The following SPG7 variants were observed in gnomAD, a reference collection of about 807,000 sequenced individuals.
The protein encoded by SPG7 is mitochondrial inner membrane m-AAA protease component paraplegin.
SPG7 carries 103 observed loss-of-function variants against 81.9 expected under a neutral mutation model. The ratio of observed to expected loss-of-function variants is 1.26; its 90% CI spans 1.07 to 1.48. SPG7 has a LOEUF of 1.48. SPG7 is among the 40% of genes most tolerant of loss of function. SPG7 has a pLI of 0.00. For missense variants in SPG7, 1,241 were observed against 1,087.3 expected, an observed-to-expected ratio of 1.14 and a Z score of -1.99; for synonymous variants, 534 against 444.2, an observed-to-expected ratio of 1.20 and a Z score of -2.54.
intron 9 of SPG7, chr16:89,539,923 T>G (rs578104786): frequency 2.6e-5 from 4 of 152,276 alleles, no homozygotes; most frequent in African/African-American, 9.6e-5. Context: ...TGATCTTATT[T>G]TAAGTTAACG....
chr16:89,552,417 C>T (rs1268555214), intron 13 of SPG7: 1 of 166,182 alleles, frequency 6.0e-6, no homozygotes, highest in Non-Finnish European at 1.3e-5. Context: ...TGGATGTGGC[C>T]ATCTCGCCGC....
intron 12 of SPG7, chr16:89,549,593 G>A: frequency 4.0e-6 from 1 of 249,352 alleles, no homozygotes. Context: ...GCTTGAACCT[G>A]GGAGGTTGAA....
At chr16:89,550,947 T>C (rs929395059) in intron 13 of SPG7, among the ~76,000 whole-genome samples, 2 of 152,184 alleles carry the variant, frequency 1.3e-5, no homozygotes, top group African/African-American at 4.8e-5. Context: ...CTCCTAACAT[T>C]GGAAAGAAGT....
At chr16:89,548,455 C>T (rs537007781) in intron 12 of SPG7, 2 of 325,060 alleles carry the variant, frequency 6.2e-6, no homozygotes, top group Admixed American at 4.8e-5. Context: ...AGCCTAGCCC[C>T]AGCCTCATGG....
intron 9 of SPG7, chr16:89,542,943 T>C (rs1485574830): frequency 3.0e-5 from 1 of 32,942 alleles, no homozygotes. Flanking sequence ...ATCCTGTTCT[T>C]TTTTTTTTTT....
chr16:89,511,975 G>C (rs1056568552), intron 2 of SPG7, among the ~76,000 whole-genome samples: 1 of 151,978 alleles, frequency 6.6e-6, no homozygotes, highest in Non-Finnish European at 1.5e-5. Context: ...GCAGTGGCGC[G>C]ATCTCCGCTC....
chr16:89,511,688 A>G (rs991605990), intron 2 of SPG7, among the ~76,000 whole-genome samples: 5 of 152,224 alleles, frequency 3.3e-5, no homozygotes, highest in African/African-American at 1.2e-4. Flanking sequence ...TTGTGAAGAA[A>G]GTTACATTTC....
At chr16:89,511,779 G>A (rs1160806572) in intron 2 of SPG7, among the ~76,000 whole-genome samples, 1 of 152,112 alleles carries the variant, frequency 6.6e-6, no homozygotes, top group Non-Finnish European at 1.5e-5. Flanking sequence ...TGTTGCCCAG[G>A]TGCAATCTCT....
chr16:89,529,258 C>T, intron 5 of SPG7: 1 of 605,624 alleles, frequency 1.7e-6, no homozygotes, highest in Non-Finnish European at 3.0e-6. Flanking sequence ...TCTGCACACT[C>T]AGTCTGACCA....
At chr16:89,552,645 G>A (rs2058647205) in intron 13 of SPG7, 4 of 373,778 alleles carry the variant, frequency 1.1e-5, no homozygotes, top group South Asian at 2.2e-5. Flanking sequence ...TGTCGCTGGT[G>A]TGAGGGGTCA....
At chr16:89,531,746 G>A in intron 7 of SPG7, 158 bp from the exon 8 acceptor site, 2 of 714,520 alleles carry the variant, frequency 2.8e-6, no homozygotes, top group Non-Finnish European at 2.5e-6. Context: ...GAGAGGCTGA[G>A]GTGAGAGGGT....
intron 9 of SPG7, chr16:89,536,651 G>A (rs941729752): frequency 6.1e-6 from 8 of 1,301,276 alleles, no homozygotes; most frequent in Non-Finnish European, 8.7e-6. Context: ...CGAGGTGGGC[G>A]AGGCAGGCGA....
At chr16:89,518,004 A>T (rs921278047) in intron 3 of SPG7, 3 of 152,210 alleles carry the variant, frequency 2.0e-5, no homozygotes, top group African/African-American at 7.2e-5. Context: ...GCGTTAGAGG[A>T]TAATTGTTTA....
chr16:89,525,779 A>G (rs1425586873), intron 4 of SPG7, among the ~76,000 whole-genome samples: 2 of 152,116 alleles, frequency 1.3e-5, no homozygotes, highest in African/African-American at 4.8e-5. Flanking sequence ...GCAGTTTCCT[A>G]AAACATCTGT....
rs376397768 is a variant in SPG7 at position 89,524,173 on chromosome 16, C to T, written c.544C>T (p.Arg182Cys). The change falls in exon 4 of 17, where the codon CGC becomes TGC. Residue 182 changes from arginine (R) to cysteine (C), a missense_variant. Transcript: ENST00000645818. Reference sequence around the variant, plus strand: ...GATGCTGGCCAAGGGCGAGGTGCAGCGCGTCCAGGTGGTGCCTGAGAGCGA... The same window carrying T: ...GATGCTGGCCAAGGGCGAGGTGCAGTGCGTCCAGGTGGTGCCTGAGAGCGA... ...HEMLAKGEVQ[R>C]VQVVPESDVV... is the part of the protein sequence containing the mutation. 2.7e-5 allele frequency: 43 copies of T among 1,613,898 alleles called. No individual in the cohort carries two copies. Among genetic ancestry groups the T allele is most frequent in the South Asian group, 4.4e-5 (4 of 91,084 alleles).
chr16:89,512,796 CTTTA>C, intron 2 of SPG7, 148 bp from the exon 3 acceptor site: 2 of 735,494 alleles, frequency 2.7e-6, no homozygotes, highest in Non-Finnish European at 4.7e-6. Context: ...ATAGGATATG[CTTTA>C]TTTCATATTT....
intron 4 of SPG7, among the ~76,000 whole-genome samples, chr16:89,525,474 G>C (rs1379698584): frequency 6.6e-6 from 1 of 152,182 alleles, no homozygotes; most frequent in Non-Finnish European, 1.5e-5. Flanking sequence ...TCAGAATTCT[G>C]TCTTAGCAGT....
chr16:89,539,381 C>G (rs1166200515), intron 9 of SPG7: 5 of 152,126 alleles, frequency 3.3e-5, no homozygotes, highest in Non-Finnish European at 7.3e-5. Context: ...TACCTGTAAT[C>G]CCAGCTACTT....
intron 1 of SPG7, among the ~76,000 whole-genome samples, chr16:89,509,217 C>T (rs998206346): frequency 2.0e-5 from 3 of 152,122 alleles, no homozygotes; most frequent in Non-Finnish European, 4.4e-5. Flanking sequence ...TTCTCCTAGC[C>T]CTCGCCTAGG....
Sources: gnomAD v4.1 joint callset for allele counts (sites outside exome capture counted in the v4.1 genomes callset) on GRCh38, gnomAD v4.1.1 for gene constraint, MANE v1.5 for transcripts, NCBI Gene and HGNC (gene_info 2026-07-23, HGNC 2026-07-21) for gene names.